Variants in YLPM1 observed in about 807,000 individuals in gnomAD.
YLPM1 encodes the protein YLP motif-containing protein 1.
Under a neutral mutation model 230.0 loss-of-function variants are expected in YLPM1, and 99 were observed. That is an observed-to-expected ratio of 0.43 (90% CI 0.37 to 0.51). The LOEUF (loss-of-function observed/expected upper bound fraction) is 0.51. Ranked by LOEUF, YLPM1 falls within the 20% of genes least tolerant of loss-of-function variation. YLPM1 has a pLI of 0.00. For synonymous variants in YLPM1, 984 were observed against 942.5 expected (o/e 1.04, Z -0.81); for missense variants, 2,592 against 2,707.7 (o/e 0.96, Z 0.95).
At chr14:74,808,066 G>A (rs79682970) in intron 6 of YLPM1, among the ~76,000 whole-genome samples, 1,758 of 152,208 alleles carry the variant, frequency 0.012, 36 homozygotes, top group African/African-American at 0.039. Context: ...TGAATCTTAC[G>A]TGGCTACCAC....
At chr14:74,773,604 T>C (rs752759697) in intron 1 of YLPM1, among the ~76,000 whole-genome samples, 27 of 151,998 alleles carry the variant, frequency 1.8e-4, no homozygotes, top group Non-Finnish European at 3.2e-4. Flanking sequence ...AACTGAAGGA[T>C]AAGTCTGTTG....
At chr14:74,767,601 CA>C (rs2090925670) in intron 1 of YLPM1, among the ~76,000 whole-genome samples, 1 of 152,166 alleles carries the variant, frequency 6.6e-6, no homozygotes, top group South Asian at 2.1e-4. Context: ...GTCCGACAAC[CA>C]AAAATGTTTC....
chr14:74,830,589 C>T (rs924163862), intron 19 of YLPM1, among the ~76,000 whole-genome samples: 1 of 152,112 alleles, frequency 6.6e-6, no homozygotes, highest in African/African-American at 2.4e-5. Context: ...TAAAGGAATA[C>T]GTGAGATTGG....
intron 1 of YLPM1, among the ~76,000 whole-genome samples, chr14:74,764,779 T>C (rs1339322586): frequency 6.6e-6 from 1 of 152,252 alleles, no homozygotes; most frequent in Non-Finnish European, 1.5e-5. Context: ...TGAATGTTTG[T>C]AAACTTTATG....
At chr14:74,769,525 G>A (rs1471781532) in intron 1 of YLPM1, among the ~76,000 whole-genome samples, 1 of 151,756 alleles carries the variant, frequency 6.6e-6, no homozygotes, top group Non-Finnish European at 1.5e-5. Flanking sequence ...GACCCCAGGT[G>A]ATCTGCCTGT....
chr14:74,772,579 G>A (rs1014735695), intron 1 of YLPM1, among the ~76,000 whole-genome samples: 1 of 152,066 alleles, frequency 6.6e-6, no homozygotes, highest in Non-Finnish European at 1.5e-5. Flanking sequence ...GGCTGGTCTC[G>A]AACTCCTCAC....
rs754051882 is a variant in YLPM1 at position 74,809,567 on chromosome 14, A to G, written c.4709A>G (p.Glu1570Gly). ...ATAAAGCCACAAACTTCAGCTGTAGAACAGGAACGATGGGATGAAGATTCT... is the reference window on the plus strand; with the variant it reads ...ATAAAGCCACAAACTTCAGCTGTAGGACAGGAACGATGGGATGAAGATTCT... ...PVIKPQTSAV[E>G]QERWDEDSFY... Residue 1570 changes from glutamate to glycine, a missense_variant, in exon 7 of 21, where the codon GAA becomes GGA. Coordinates refer to ENST00000325680, the MANE Select transcript of YLPM1 (RefSeq NM_019589.3). 6.2e-7 allele frequency: 1 copy of G among 1,609,460 alleles called. No individual in the cohort carries two copies. Among genetic ancestry groups the G allele is most frequent in the Admixed American group, 1.7e-5 (1 of 59,284 alleles).
Position 74,764,199 on chromosome 14 carries a change from AG to A in YLPM1, c.713del (p.Gly238AlafsTer8). ...CAGGCATCTCCTTCCCGCCCCTCCC[AG>A]GGCCATTCTAAATCCCAACTACTAG... ...SSQASPSRPS[Q>X]GHSKSQLLAP... On this transcript the variant is annotated frameshift_variant, in exon 1 of 21. Transcript: ENST00000325680. LOFTEE classifies it high-confidence loss of function. The A allele has an allele frequency of 6.2e-7, 1 of 1,612,534 alleles. No homozygotes were observed. The highest frequency in any genetic ancestry group is 8.5e-7 in the Non-Finnish European group (1 of 1,179,552).
Position 74,763,651 on chromosome 14 carries a change from C to T in YLPM1, c.162C>T (p.Arg54=), listed in dbSNP as rs775621619. 7.6e-6 allele frequency: 12 copies of T among 1,588,638 alleles called. No homozygotes were observed. The highest frequency in any genetic ancestry group is 9.4e-6 in the Non-Finnish European group (11 of 1,166,260). The change falls in exon 1 of 21, where the codon CGC becomes CGT. Residue 54 remains arginine (R), a synonymous_variant. Coordinates refer to ENST00000325680, the MANE Select transcript of YLPM1 (RefSeq NM_019589.3). ...CCTCCTCGGGCTTCATGAGCTTCCG[C>T]GAACAGCACTTGGCGCAGCTCCAGC... The part of the protein sequence containing the change: ...APSSSGFMSF[R]EQHLAQLQQL...
At chr14:74,834,472 A>G (rs938157534) in intron 19 of YLPM1, among the ~76,000 whole-genome samples, 1 of 152,182 alleles carries the variant, frequency 6.6e-6, no homozygotes, top group Non-Finnish European at 1.5e-5. Flanking sequence ...TCTGTTAGGG[A>G]AGACAGATCT....
intron 11 of YLPM1, among the ~76,000 whole-genome samples, chr14:74,815,720 A>G (rs1023524032): frequency 2.6e-5 from 4 of 151,886 alleles, no homozygotes; most frequent in African/African-American, 4.8e-5. Flanking sequence ...TTCTTTTTCA[A>G]GTGTCTTAAA....
chr14:74,817,050 T>C lies in YLPM1; in HGVS notation c.5805T>C (p.Asn1935=). The change falls in exon 14 of 21, where the codon AAT becomes AAC. Residue 1935 remains asparagine (N), a synonymous_variant. Coordinates refer to ENST00000325680, the MANE Select transcript of YLPM1 (RefSeq NM_019589.3). ...FFPFIILDAI[N]DRVRHFDQFW... ...CCTTCATCATCCTGGATGCCATCAATGACAGAGTTAGGCATTTTGACCAGT... is the reference window on the plus strand; with the variant it reads ...CCTTCATCATCCTGGATGCCATCAACGACAGAGTTAGGCATTTTGACCAGT... 6.2e-7 allele frequency: 1 copy of C among 1,611,646 alleles called. No homozygotes were observed. The highest frequency in any genetic ancestry group is 2.2e-5 in the East Asian group (1 of 44,850).
At chr14:74,804,717 T>C (rs2091359722) in intron 6 of YLPM1, among the ~76,000 whole-genome samples, 1 of 152,234 alleles carries the variant, frequency 6.6e-6, no homozygotes, top group Admixed American at 6.5e-5. Flanking sequence ...ATTTTGAGTG[T>C]CTGTTTTCTT....
At chr14:74,822,238 G>A (rs1159657680) in intron 17 of YLPM1, 1 of 152,046 alleles carries the variant, frequency 6.6e-6, no homozygotes, top group African/African-American at 2.4e-5. Flanking sequence ...CTGGAATATG[G>A]CTAATGACTT....
chr14:74,800,192 C>A (rs2091311619), intron 5 of YLPM1, among the ~76,000 whole-genome samples: 1 of 152,164 alleles, frequency 6.6e-6, no homozygotes, highest in African/African-American at 2.4e-5. Flanking sequence ...TTGATACTTT[C>A]TTTTGGGGAT....
chr14:74,767,056 G>A (rs1419228973), intron 1 of YLPM1, among the ~76,000 whole-genome samples: 1 of 150,908 alleles, frequency 6.6e-6, no homozygotes, highest in African/African-American at 2.4e-5. Context: ...GCTAATTTTT[G>A]TATTTTTAGT....
Position 74,797,668 on chromosome 14 carries a change from G to A in YLPM1, c.2371G>A (p.Asp791Asn), listed in dbSNP as rs778282189. Residue 791 changes from aspartate to asparagine, a missense_variant, in exon 5 of 21, where the codon GAT (aspartate) becomes AAT (asparagine). By Grantham distance (23) the Asp-to-Asn change is conservative. Coordinates refer to ENST00000325680, the MANE Select transcript of YLPM1 (RefSeq NM_019589.3). ...KGPRFEGNRP[D>N]GPRPRYEGHP... Reference sequence around the variant, plus strand: ...GCCTCGTTTTGAAGGAAATCGCCCCGATGGGCCAAGACCCAGATATGAAGG... The same window carrying A: ...GCCTCGTTTTGAAGGAAATCGCCCCAATGGGCCAAGACCCAGATATGAAGG... 1.4e-5 allele frequency: 22 copies of A among 1,601,334 alleles called. No homozygotes were observed. In the East Asian group the frequency reaches 1.6e-4, roughly 11 times the overall value.
At chr14:74,785,280 T>G (rs909941846) in intron 4 of YLPM1, among the ~76,000 whole-genome samples, 1 of 152,258 alleles carries the variant, frequency 6.6e-6, no homozygotes, top group Non-Finnish European at 1.5e-5. Context: ...TTATATTGTT[T>G]TAGGTATGTG....
rs962770385 is a variant in YLPM1 at position 74,763,381 on chromosome 14, G to A, written c.-109G>A. On this transcript the variant is annotated 5_prime_UTR_variant, in exon 1 of 21. Coordinates refer to ENST00000325680, the MANE Select transcript of YLPM1 (RefSeq NM_019589.3). Reference sequence around the variant, plus strand: ...GGCGCGCTCCGTTTACACGCTCCGGGGCCTGTAGGCGCCGCGAGTTCCGGC... The same window carrying A: ...GGCGCGCTCCGTTTACACGCTCCGGAGCCTGTAGGCGCCGCGAGTTCCGGC... 5 of 1,325,012 alleles carry A rather than the reference G, an allele frequency of 3.8e-6. No individual in the cohort carries two copies. The highest frequency in any genetic ancestry group is 1.9e-5 in the South Asian group (1 of 51,644). 82.1% of individuals were successfully genotyped at this position (1,325,012 alleles called of 1,614,324 possible).
Sources: allele counts gnomAD v4.1 joint callset (sites outside exome capture counted in the v4.1 genomes callset), GRCh38; gene constraint gnomAD v4.1.1; transcripts MANE v1.5; gene names NCBI Gene and HGNC (gene_info 2026-07-23, HGNC 2026-07-21).